The following AGPAT4 variants were observed in gnomAD, a reference collection of about 807,000 sequenced individuals.
The protein encoded by AGPAT4 is 1-acylglycerol-3-phosphate O-acyltransferase 4.
Under a neutral mutation model 48.0 loss-of-function variants are expected in AGPAT4, and 15 were observed. The observed-to-expected ratio is 0.31, with a 90% CI of 0.21 to 0.48. The LOEUF (loss-of-function observed/expected upper bound fraction) is 0.48. Ranked by LOEUF, AGPAT4 falls within the 20% of genes least tolerant of loss-of-function variation. The pLI is 0.99. For missense variants in AGPAT4, 314 were observed against 482.5 expected (o/e 0.65, Z 3.27); for synonymous variants, 178 against 198.7 (o/e 0.90, Z 0.88).
At position 161,225,258 on chromosome 6, in the gene AGPAT4, C is replaced by T. The variant is rs985848441; in HGVS notation, c.178+6778G>A. ...CCGCCAAACCACTCACCCCGTCACT[C>T]TCTTTAAATTAGCCAATCAGAATTA... On this transcript the variant is annotated intron_variant, in intron 2 of 8. Coordinates refer to ENST00000320285, the MANE Select transcript of AGPAT4 (RefSeq NM_020133.3). This position sits in a 1 kb window ranked among gnomAD's most constrained non-coding sequence, Gnocchi z 5.0. Among the ~76,000 whole-genome samples the T allele has an allele frequency of 6.6e-6, 1 of 152,182 alleles. No individual in the cohort carries two copies. Among genetic ancestry groups the T allele is most frequent in the Non-Finnish European group, 1.5e-5 (1 of 68,034 alleles).
rs562888548 is a variant in AGPAT4 at position 161,264,476 on chromosome 6, C to T, written c.-90+9462G>A. On this transcript the variant is annotated intron_variant, in intron 1 of 8. Transcript: ENST00000320285. This position sits in a 1 kb window ranked among gnomAD's most constrained non-coding sequence, Gnocchi z 6.8. Reference sequence around the variant, plus strand: ...CAATACTCCCCACTTCCAGACCTAACGTGGGGGCTGTTCTTCTCTAGGAAG... The same window carrying T: ...CAATACTCCCCACTTCCAGACCTAATGTGGGGGCTGTTCTTCTCTAGGAAG... Among the ~76,000 whole-genome samples, 21 of 152,304 alleles carry T rather than the reference C, an allele frequency of 1.4e-4. No homozygotes were observed. Among genetic ancestry groups the T allele is most frequent in the Admixed American group, 6.5e-4 (10 of 15,304 alleles).
Position 161,255,852 on chromosome 6 carries a change from T to A in AGPAT4, c.-90+18086A>T, listed in dbSNP as rs1022412361. ...AAGCCATTGCACTGCACACTTGCAATGGGTGAATTTTATGGTATATAAATT... is the reference window on the plus strand; with the variant it reads ...AAGCCATTGCACTGCACACTTGCAAAGGGTGAATTTTATGGTATATAAATT... On this transcript the variant is annotated intron_variant, in intron 1 of 8. Transcript: ENST00000320285. This position sits in a 1 kb window ranked among gnomAD's most constrained non-coding sequence, Gnocchi z 4.7. 3.9e-5 allele frequency among the ~76,000 whole-genome samples: 6 copies of A among 152,154 alleles called. No homozygotes were observed. Among genetic ancestry groups the A allele is most frequent in the African/African-American group, 1.4e-4 (6 of 41,422 alleles).
intron 2 of AGPAT4, among the ~76,000 whole-genome samples, chr6:161,207,182 C>T (rs1781398901): frequency 1.3e-5 from 2 of 152,116 alleles, no homozygotes; most frequent in African/African-American, 2.4e-5. Flanking sequence ...TTAGTGATTC[C>T]AGAAATCCTC....
chr6:161,182,168 C>T (rs1389161014), intron 2 of AGPAT4, among the ~76,000 whole-genome samples: 2 of 151,786 alleles, frequency 1.3e-5, no homozygotes, highest in East Asian at 1.9e-4. Flanking sequence ...CCCAGCACCT[C>T]GTCCCAGCCT....
chr6:161,162,431 G>A (rs1383552364), intron 3 of AGPAT4, among the ~76,000 whole-genome samples: 2 of 152,204 alleles, frequency 1.3e-5, no homozygotes, highest in Non-Finnish European at 1.5e-5. Flanking sequence ...CAACCTCAGG[G>A]GTGCAGTTGC....
Position 161,229,593 on chromosome 6 carries a change from C to G in AGPAT4, c.178+2443G>C, listed in dbSNP as rs774050526. Among the ~76,000 whole-genome samples, 1 of 152,096 alleles carries G rather than the reference C, an allele frequency of 6.6e-6. No homozygotes were observed. The highest frequency in any genetic ancestry group is 2.4e-5 in the African/African-American group (1 of 41,412). Reference sequence around the variant, plus strand: ...AGCCCTGCTAACACCTATGGGGATACCAGAAACGGAGAATCCTGGCGAGGA... The same window carrying G: ...AGCCCTGCTAACACCTATGGGGATAGCAGAAACGGAGAATCCTGGCGAGGA... On this transcript the variant is annotated intron_variant, in intron 2 of 8. Coordinates refer to ENST00000320285, the MANE Select transcript of AGPAT4 (RefSeq NM_020133.3). This position sits in a 1 kb window ranked among gnomAD's most constrained non-coding sequence, Gnocchi z 6.0.
At chr6:161,227,100 C>G (rs1156839380) in intron 2 of AGPAT4, among the ~76,000 whole-genome samples, 1 of 152,230 alleles carries the variant, frequency 6.6e-6, no homozygotes, top group East Asian at 1.9e-4. Context: ...GTTTCCAGTG[C>G]TGGCAGAAAA....
rs557254995 is a variant in AGPAT4, at chr6:161,166,481, G to C, written c.179-64C>G. ...AGCCTTGTCCTGGGAGCCCTGCTGA[G>C]AGCAGGGCTCTGCCCTCCCAGCTAG... On this transcript the variant is annotated intron_variant, in intron 2 of 8. Coordinates refer to ENST00000320285, the MANE Select transcript of AGPAT4 (RefSeq NM_020133.3). The surrounding 1 kb of genome is among the most constrained non-coding windows in gnomAD (Gnocchi z 6.7). 4.1e-4 allele frequency: 620 copies of C among 1,495,164 alleles called. 7 individuals are homozygous for C. In the South Asian group the frequency reaches 7.9e-3, roughly 19 times the overall value. The allele number at this position is 1,495,164 out of a possible 1,614,324, so 92.6% of individuals were successfully genotyped here.
At chr6:161,188,155 C>A (rs539734072) in intron 2 of AGPAT4, among the ~76,000 whole-genome samples, 1 of 152,296 alleles carries the variant, frequency 6.6e-6, no homozygotes. Flanking sequence ...TACACAATTA[C>A]CAAAATAATT....
chr6:161,201,023 A>G lies in AGPAT4; in HGVS notation c.178+31013T>C, dbSNP rs933662910. Among the ~76,000 whole-genome samples the G allele has an allele frequency of 1.3e-5, 2 of 152,198 alleles. No individual in the cohort carries two copies. The highest frequency in any genetic ancestry group is 6.5e-5 in the Admixed American group (1 of 15,280). On this transcript the variant is annotated intron_variant, in intron 2 of 8. Transcript: ENST00000320285. The surrounding 1 kb of genome is among the most constrained non-coding windows in gnomAD (Gnocchi z 6.0). ...CAGAACGACAGCTTCCTGCAAATGC[A>G]TCATCTTGCTCTCTAGCCTGCCACC...
Position 161,140,274 on chromosome 6 carries a change from G to A in AGPAT4, c.844-654C>T, listed in dbSNP as rs143090057. Among the ~76,000 whole-genome samples the A allele has an allele frequency of 1.5e-4, 23 of 152,340 alleles. No homozygotes were observed. Among genetic ancestry groups the A allele is most frequent in the Middle Eastern group, 3.4e-3 (1 of 294 alleles). ...GAGGTGACAGCACACTCAGGACTGGGTGTCCAGGGTGACTCTTCTAAGTGA... is the reference window on the plus strand; with the variant it reads ...GAGGTGACAGCACACTCAGGACTGGATGTCCAGGGTGACTCTTCTAAGTGA... On this transcript the variant is annotated intron_variant, in intron 7 of 8. Coordinates refer to ENST00000320285, the MANE Select transcript of AGPAT4 (RefSeq NM_020133.3). This position sits in a 1 kb window ranked among gnomAD's most constrained non-coding sequence, Gnocchi z 6.5.
At chr6:161,153,285 G>C in intron 5 of AGPAT4, 61 bp downstream of exon 5, 2 of 1,547,954 alleles carry the variant, frequency 1.3e-6, no homozygotes, top group African/African-American at 2.7e-5. Context: ...TGCCCATCCG[G>C]AGCTGGGGCT....
At chr6:161,183,774 C>T (rs1562328224) in intron 2 of AGPAT4, among the ~76,000 whole-genome samples, 1 of 145,364 alleles carries the variant, frequency 6.9e-6, no homozygotes, top group Non-Finnish European at 1.5e-5. Context: ...TTCTGGGGGG[C>T]CCAGAAGGCC....
chr6:161,244,993 A>G lies in AGPAT4; in HGVS notation c.-89-12691T>C, dbSNP rs1328936104. 1.3e-5 allele frequency among the ~76,000 whole-genome samples: 2 copies of G among 152,264 alleles called. No individual in the cohort carries two copies. The highest frequency in any genetic ancestry group is 2.9e-5 in the Non-Finnish European group (2 of 68,042). On this transcript the variant is annotated intron_variant, in intron 1 of 8. Transcript: ENST00000320285. The surrounding 1 kb of genome is among the most constrained non-coding windows in gnomAD (Gnocchi z 4.7). Reference sequence around the variant, plus strand: ...CCACGTAGCAAAACACGTGGGCATGAGAACTCTCCTGCAAATGCTAACTTA... The same window carrying G: ...CCACGTAGCAAAACACGTGGGCATGGGAACTCTCCTGCAAATGCTAACTTA...
rs1319184566 is a variant in AGPAT4 at position 161,223,320 on chromosome 6, G to GC, written c.178+8715dup. Among the ~76,000 whole-genome samples, 1 of 152,196 alleles carries GC rather than the reference G, an allele frequency of 6.6e-6. No individual in the cohort carries two copies. The highest frequency in any genetic ancestry group is 1.5e-5 in the Non-Finnish European group (1 of 68,034). On this transcript the variant is annotated intron_variant, in intron 2 of 8. Coordinates refer to ENST00000320285, the MANE Select transcript of AGPAT4 (RefSeq NM_020133.3). This position sits in a 1 kb window ranked among gnomAD's most constrained non-coding sequence, Gnocchi z 6.3. ...ATTAGCATGCACAGGTTTGATCCTA[G>GC]CAGATGTTTGCTTAACATCATCCTT...
rs116453450 is a variant in AGPAT4 at position 161,149,586 on chromosome 6, C to G, written c.665-297G>C. Among the ~76,000 whole-genome samples the G allele has an allele frequency of 9.2e-3, 1,397 of 152,040 alleles. 21 individuals carry two copies. Among genetic ancestry groups the G allele is most frequent in the African/African-American group, 0.032 (1,332 of 41,450 alleles). ...TTGGAGATGGAGTCTCACTCTGTCACCCAGGAGTGCAGTGGTGCAATCTCG... is the reference window on the plus strand; with the variant it reads ...TTGGAGATGGAGTCTCACTCTGTCAGCCAGGAGTGCAGTGGTGCAATCTCG... On this transcript the variant is annotated intron_variant, in intron 5 of 8. Transcript: ENST00000320285. This position sits in a 1 kb window ranked among gnomAD's most constrained non-coding sequence, Gnocchi z 6.5.
intron 3 of AGPAT4, among the ~76,000 whole-genome samples, chr6:161,163,348 A>T (rs1209004051): frequency 1.3e-5 from 2 of 152,204 alleles, no homozygotes; most frequent in Non-Finnish European, 2.9e-5. Flanking sequence ...CTCCAGAAGG[A>T]TCCCAACATC....
intron 2 of AGPAT4, among the ~76,000 whole-genome samples, chr6:161,182,322 TG>T (rs1780623233): frequency 1.0e-5 from 1 of 97,528 alleles, no homozygotes; most frequent in African/African-American, 3.9e-5. Context: ...ACCCCAGCCC[TG>T]CATCCCAGCC....
chr6:161,200,988 G>T lies in AGPAT4; in HGVS notation c.178+31048C>A, dbSNP rs189703660. On this transcript the variant is annotated intron_variant, in intron 2 of 8. Coordinates refer to ENST00000320285, the MANE Select transcript of AGPAT4 (RefSeq NM_020133.3). This position sits in a 1 kb window ranked among gnomAD's most constrained non-coding sequence, Gnocchi z 5.5. ...GGCCAGCCTGTGATCCTTTCCATCA[G>T]AGCAACAGGCAGAACGACAGCTTCC... 3.6e-4 allele frequency among the ~76,000 whole-genome samples: 55 copies of T among 152,320 alleles called. No individual in the cohort carries two copies. The highest frequency in any genetic ancestry group is 3.3e-3 in the Admixed American group (50 of 15,290).
Sources: allele counts gnomAD v4.1 joint callset (sites outside exome capture counted in the v4.1 genomes callset), GRCh38; gene constraint gnomAD v4.1.1; non-coding constraint Gnocchi (gnomAD v3.1); transcripts MANE v1.5; gene names NCBI Gene and HGNC (gene_info 2026-07-23, HGNC 2026-07-21).